HIPK2: variants seen among roughly 807,000 people sequenced by gnomAD.
HIPK2 encodes the protein homeodomain-interacting protein kinase 2.
HIPK2 carries 27 observed loss-of-function variants against 113.7 expected under a neutral mutation model. The ratio of observed to expected loss-of-function variants is 0.24; its 90% CI spans 0.17 to 0.33. The LOEUF is 0.33. Ranked by LOEUF, HIPK2 falls within the 10% of genes least tolerant of loss-of-function variation. The pLI is 1.00. For missense variants in HIPK2, 1,257 were observed against 1,588.0 expected, an observed-to-expected ratio of 0.79 and a Z score of 3.54; for synonymous variants, 631 against 642.2, an observed-to-expected ratio of 0.98 and a Z score of 0.26.
At chr7:139,672,888 T>G (rs1240843107) in intron 2 of HIPK2, among the ~76,000 whole-genome samples, 2 of 152,192 alleles carry the variant, frequency 1.3e-5, no homozygotes, top group Admixed American at 6.5e-5. Context: ...TAATAAAGAA[T>G]TTGCACTTTC....
Position 139,571,654 on chromosome 7 carries a change from G to T in HIPK2, c.*1273C>A, listed in dbSNP as rs546209232. 2 of 149,050 alleles carry T rather than the reference G, an allele frequency of 1.3e-5. No homozygotes were observed. The highest frequency in any genetic ancestry group is 3.0e-5 in the Non-Finnish European group (2 of 67,080). The allele number at this position is 149,050 out of a possible 1,614,324, so 9.2% of individuals were successfully genotyped here. ...ACAACGGGCATTAACATTTTAAAAA[G>T]AAAAAGAAAAAGAAAAAAAAAAGGC... On this transcript the variant is annotated 3_prime_UTR_variant, in exon 15 of 15. Coordinates refer to ENST00000406875, the MANE Select transcript of HIPK2 (RefSeq NM_022740.5).
In HIPK2 at chr7:139,563,968, G is replaced by A. The variant is rs1227077548; in HGVS notation, c.*8959C>T. 3 of 398,484 alleles carry A rather than the reference G, an allele frequency of 7.5e-6. No individual in the cohort carries two copies. The highest frequency in any genetic ancestry group is 8.8e-6 in the Non-Finnish European group (2 of 226,070). 24.7% of individuals were successfully genotyped at this position (398,484 alleles called of 1,614,324 possible). On this transcript the variant is annotated 3_prime_UTR_variant, in exon 15 of 15. Transcript: ENST00000406875. Reference sequence around the variant, plus strand: ...TCCCCCAGTCTGTTTCTGCATGACAGTGGGGCCCATTCCTGTCTCGAAGCA... The same window carrying A: ...TCCCCCAGTCTGTTTCTGCATGACAATGGGGCCCATTCCTGTCTCGAAGCA...
intron 2 of HIPK2, among the ~76,000 whole-genome samples, chr7:139,709,226 C>T (rs570686158): frequency 9.9e-5 from 15 of 152,138 alleles, no homozygotes; most frequent in African/African-American, 3.6e-4. Context: ...TTGAACAGTT[C>T]ACTTCATATC....
At chr7:139,769,138 AGC>A (rs1796604536) in intron 1 of HIPK2, among the ~76,000 whole-genome samples, 1 of 152,170 alleles carries the variant, frequency 6.6e-6, no homozygotes, top group Admixed American at 6.5e-5. Context: ...TGGGGAGGAA[AGC>A]AAAAAGAAAC....
In HIPK2 at chr7:139,777,772, T is replaced by A; in HGVS notation, c.-149A>T. On this transcript the variant is annotated 5_prime_UTR_variant, in exon 1 of 15. Coordinates refer to ENST00000406875, the MANE Select transcript of HIPK2 (RefSeq NM_022740.5). ...GGCCGCCCGCGCCCGCATCACCGCC[T>A]CCCGTGGCCGGCGCCGGGGGAGGGG... 1.8e-6 allele frequency: 1 copy of A among 553,064 alleles called. No individual in the cohort carries two copies. Among genetic ancestry groups the A allele is most frequent in the Non-Finnish European group, 2.3e-6 (1 of 440,952 alleles). 34.3% of individuals were successfully genotyped at this position (553,064 alleles called of 1,614,324 possible). A position where few individuals can be genotyped will look rare whatever the true frequency, so the allele number is the denominator to read the frequency against.
intron 9 of HIPK2, among the ~76,000 whole-genome samples, chr7:139,611,049 A>G (rs1216969469): frequency 6.6e-6 from 1 of 152,232 alleles, no homozygotes; most frequent in African/African-American, 2.4e-5. Flanking sequence ...CCCTTTGCTC[A>G]GAGACACTGC....
chr7:139,675,036 G>A (rs992066820), intron 2 of HIPK2, among the ~76,000 whole-genome samples: 1 of 152,156 alleles, frequency 6.6e-6, no homozygotes. Flanking sequence ...TTTATGCTGT[G>A]TCTAATTTTA....
chr7:139,658,348 G>A (rs189672315), intron 2 of HIPK2, among the ~76,000 whole-genome samples: 133 of 151,920 alleles, frequency 8.8e-4, no homozygotes, highest in African/African-American at 3.0e-3. Flanking sequence ...CAAACAGAGT[G>A]TTGACATATT....
intron 2 of HIPK2, among the ~76,000 whole-genome samples, chr7:139,650,520 C>T (rs1178029840): frequency 1.3e-5 from 2 of 150,776 alleles, no homozygotes; most frequent in Non-Finnish European, 3.0e-5. Context: ...CATAAGGGAC[C>T]GACTGAGGGT....
intron 12 of HIPK2, among the ~76,000 whole-genome samples, chr7:139,591,585 A>C (rs1023122397): frequency 6.6e-6 from 1 of 152,198 alleles, no homozygotes; most frequent in African/African-American, 2.4e-5. Context: ...CAGTAGGGTG[A>C]AGTGTCTCTT....
chr7:139,769,640 T>C (rs1796615087), intron 1 of HIPK2, among the ~76,000 whole-genome samples: 1 of 152,264 alleles, frequency 6.6e-6, no homozygotes, highest in Non-Finnish European at 1.5e-5. Context: ...CTATTGCTGT[T>C]GTCTCTTTCT....
rs754877718 is a variant in HIPK2, at chr7:139,613,875, T to G, written c.1990+411A>C. Among the ~76,000 whole-genome samples, 1 of 152,194 alleles carries G rather than the reference T, an allele frequency of 6.6e-6. No individual in the cohort carries two copies. The highest frequency in any genetic ancestry group is 2.4e-5 in the African/African-American group (1 of 41,454). ...CCCAGGGAAGTACTTTTCAGACTGA[T>G]GGATATTCTTCATGGGAGCTGGGAC... On this transcript the variant is annotated intron_variant, in intron 8 of 14. Transcript: ENST00000406875. The surrounding 1 kb of genome is among the most constrained non-coding windows in gnomAD (Gnocchi z 4.2).
chr7:139,646,728 G>C (rs1042751637), intron 2 of HIPK2, among the ~76,000 whole-genome samples: 11 of 152,174 alleles, frequency 7.2e-5, no homozygotes, highest in African/African-American at 4.8e-5. Flanking sequence ...AGCCAACTGA[G>C]CTAACCAGCT....
At chr7:139,751,837 G>C (rs1796284372) in intron 1 of HIPK2, among the ~76,000 whole-genome samples, 1 of 152,120 alleles carries the variant, frequency 6.6e-6, no homozygotes, top group Admixed American at 6.5e-5. Context: ...TAATCTCTGA[G>C]AAACATGTTG....
intron 2 of HIPK2, among the ~76,000 whole-genome samples, chr7:139,681,127 A>G (rs1269540704): frequency 4.6e-5 from 7 of 152,224 alleles, no homozygotes; most frequent in Non-Finnish European, 2.9e-5. Context: ...GAGCCCGTCA[A>G]CCACAGCTCT....
At chr7:139,644,830 G>A (rs540040965) in intron 2 of HIPK2, among the ~76,000 whole-genome samples, 3 of 152,256 alleles carry the variant, frequency 2.0e-5, no homozygotes, top group Admixed American at 2.0e-4. Context: ...ACTTTATTCA[G>A]CCTGGTGATG....
intron 2 of HIPK2, among the ~76,000 whole-genome samples, chr7:139,634,670 T>A: frequency 6.8e-6 from 1 of 147,996 alleles, no homozygotes; most frequent in South Asian, 2.1e-4. Flanking sequence ...ACTATCTGTT[T>A]CAGGTTTTTT....
In HIPK2 at chr7:139,714,840, G is replaced by A. The variant is rs1341328748; in HGVS notation, c.1103+1092C>T. ...CAGGGTCTTGCTTTCCATCCCTGCCGCCTCCCCGCTGTGCACCCGCCATGG... is the reference window on the plus strand; with the variant it reads ...CAGGGTCTTGCTTTCCATCCCTGCCACCTCCCCGCTGTGCACCCGCCATGG... On this transcript the variant is annotated intron_variant, in intron 2 of 14. Transcript: ENST00000406875. This position sits in a 1 kb window ranked among gnomAD's most constrained non-coding sequence, Gnocchi z 4.2. Among the ~76,000 whole-genome samples the A allele has an allele frequency of 6.6e-6, 1 of 152,106 alleles. No homozygotes were observed. The highest frequency in any genetic ancestry group is 2.4e-5 in the African/African-American group (1 of 41,430).
chr7:139,727,736 C>T (rs899354637), intron 1 of HIPK2, among the ~76,000 whole-genome samples: 2 of 152,134 alleles, frequency 1.3e-5, no homozygotes, highest in African/African-American at 2.4e-5. Context: ...ACAGACAACC[C>T]ATAATTGTTT....
Sources: allele counts gnomAD v4.1 joint callset (sites outside exome capture counted in the v4.1 genomes callset), GRCh38; gene constraint gnomAD v4.1.1; non-coding constraint Gnocchi (gnomAD v3.1); transcripts MANE v1.5; gene names NCBI Gene and HGNC (gene_info 2026-07-23, HGNC 2026-07-21).